Variants in HDAC11 observed in about 807,000 individuals in gnomAD.
The protein encoded by HDAC11 is histone deacetylase 11.
A neutral mutation model predicts 41.1 loss-of-function variants in HDAC11; 23 were observed. That is an observed-to-expected ratio of 0.56 (90% confidence interval 0.40 to 0.79). The LOEUF is 0.79. Among genes scored for constraint, HDAC11 ranks in the 30% least tolerant of loss-of-function variants. The probability of loss-of-function intolerance (pLI) is 0.00; values close to 1 mark genes in which losing one functional copy is unlikely to be tolerated. For missense variants in HDAC11, 402 were observed against 477.3 expected, an observed-to-expected ratio of 0.84 and a Z score of 1.47; for synonymous variants, 187 against 186.6, an observed-to-expected ratio of 1.00 and a Z score of -0.02.
intron 3 of HDAC11, among the ~76,000 whole-genome samples, chr3:13,489,726 C>T (rs1275956167): frequency 6.6e-6 from 1 of 152,102 alleles, no homozygotes; most frequent in Non-Finnish European, 1.5e-5. Context: ...GCTACCATGC[C>T]TGGCTAATTT....
chr3:13,500,199 GC>G (rs1702290406), intron 5 of HDAC11, among the ~76,000 whole-genome samples: 1 of 152,162 alleles, frequency 6.6e-6, no homozygotes, highest in South Asian at 2.1e-4. Context: ...CCCAGGGGCT[GC>G]AGGGGAGGGG....
chr3:13,494,560 A>G (rs545236830), intron 3 of HDAC11, among the ~76,000 whole-genome samples: 288 of 151,722 alleles, frequency 1.9e-3, no homozygotes, highest in Non-Finnish European at 3.3e-3. Flanking sequence ...CAGCTCTTAC[A>G]CTCCCACCCC....
chr3:13,494,918 G>A (rs969714287), intron 3 of HDAC11, among the ~76,000 whole-genome samples: 7 of 152,218 alleles, frequency 4.6e-5, no homozygotes, highest in Admixed American at 4.6e-4. Context: ...CCTGGCTACA[G>A]CACCTCTTGG....
rs1023912297 is a variant in HDAC11 at position 13,481,239 on chromosome 3, A to C, written c.3-7A>C. ...CAGCTGTGCGTCTGTCTTTTTCCAC[A>C]CGGTAGGCTACACACAACCCAGCTG... On this transcript the variant is annotated splice_polypyrimidine_tract_variant and splice_region_variant and intron_variant, in intron 1 of 9. Transcript: ENST00000295757. 2 of 1,611,012 alleles carry C rather than the reference A, an allele frequency of 1.2e-6. No individual in the cohort carries two copies. Among genetic ancestry groups the C allele is most frequent in the African/African-American group, 2.7e-5 (2 of 74,868 alleles).
At chr3:13,481,097 A>T in intron 1 of HDAC11, 149 bp from the exon 2 acceptor site, 3 of 789,690 alleles carry the variant, frequency 3.8e-6, no homozygotes, top group Non-Finnish European at 5.9e-6. Flanking sequence ...CAGCCAGTTT[A>T]AGCAGCTGTT....
At chr3:13,483,289 T>G (rs1167376981) in intron 2 of HDAC11, among the ~76,000 whole-genome samples, 175 bp from the exon 3 acceptor site, 1 of 152,094 alleles carries the variant, frequency 6.6e-6, no homozygotes. Flanking sequence ...GACTGGCCAC[T>G]GTCCACAGTG....
intron 3 of HDAC11, among the ~76,000 whole-genome samples, chr3:13,485,800 A>T (rs1701533740): frequency 6.6e-6 from 1 of 152,078 alleles, no homozygotes; most frequent in South Asian, 2.1e-4. Context: ...AAATAATAAA[A>T]GTATTAACAG....
rs1176241925 is a variant in HDAC11 at position 13,504,269 on chromosome 3, A to G, written c.825A>G (p.Pro275=). ...GDRLGGLSIS[P]AGIVKRDELV... Reference sequence around the variant, plus strand: ...GCCTTGGGGGGCTGTCCATCAGCCCAGCGGTACGTCCTGACCCTTGGGGCC... The same window carrying G: ...GCCTTGGGGGGCTGTCCATCAGCCCGGCGGTACGTCCTGACCCTTGGGGCC... The change falls in exon 9 of 10, where the codon CCA becomes CCG. Residue 275 remains proline, a synonymous_variant. Transcript: ENST00000295757. 2 of 1,613,072 alleles carry G rather than the reference A, an allele frequency of 1.2e-6. No individual in the cohort carries two copies. Among genetic ancestry groups the G allele is most frequent in the Admixed American group, 1.7e-5 (1 of 60,008 alleles).
At chr3:13,498,270 TC>T (rs1188015892) in intron 4 of HDAC11, among the ~76,000 whole-genome samples, 3 of 152,260 alleles carry the variant, frequency 2.0e-5, no homozygotes, top group African/African-American at 7.2e-5. Context: ...TTTTCCAGTT[TC>T]CTTGCACAAT....
At chr3:13,502,000 G>A in intron 7 of HDAC11, 67 bp downstream of exon 7, 3 of 1,361,572 alleles carry the variant, frequency 2.2e-6, no homozygotes, top group Non-Finnish European at 2.1e-6. Flanking sequence ...TCTTCCCGGG[G>A]CAGGAGAGTC....
intron 3 of HDAC11, among the ~76,000 whole-genome samples, chr3:13,490,736 A>ATTTTTTC (rs1701814211): frequency 1.3e-5 from 1 of 75,606 alleles, no homozygotes; most frequent in African/African-American, 4.8e-5. Context: ...GTTTCTTAGC[A>ATTTTTTC]TTTTTTTCTT....
At chr3:13,489,923 A>G (rs1701768685) in intron 3 of HDAC11, among the ~76,000 whole-genome samples, 2 of 151,836 alleles carry the variant, frequency 1.3e-5, no homozygotes, top group Admixed American at 6.6e-5. Context: ...TGGTACTGTT[A>G]CTGTGGCTTA....
chr3:13,486,384 G>A (rs1701575165), intron 3 of HDAC11, among the ~76,000 whole-genome samples: 1 of 151,648 alleles, frequency 6.6e-6, no homozygotes, highest in African/African-American at 2.4e-5. Context: ...TGCCACCATG[G>A]ATTTGCATTT....
chr3:13,504,557 G>A lies in HDAC11; in HGVS notation c.918G>A (p.Lys306=), dbSNP rs1466216496. ...ILMVTSGGYQ[K]RTARIIADSI... is the part of the protein sequence containing the mutation. ...TGGTGACCTCAGGCGGGTACCAGAA[G>A]CGCACAGCCCGCATCATTGCTGACT... The change falls in exon 10 of 10, where the codon AAG becomes AAA. Residue 306 remains lysine, a synonymous_variant. Transcript: ENST00000295757. 6.2e-7 allele frequency: 1 copy of A among 1,613,670 alleles called. No individual in the cohort carries two copies. Among genetic ancestry groups the A allele is most frequent in the Admixed American group, 1.7e-5 (1 of 60,028 alleles).
intron 3 of HDAC11, among the ~76,000 whole-genome samples, chr3:13,491,537 C>T (rs1701865935): frequency 6.6e-6 from 1 of 152,046 alleles, no homozygotes; most frequent in South Asian, 2.1e-4. Context: ...AGTGGGCGCC[C>T]TAGAGGGGTT....
At chr3:13,501,557 C>A in intron 6 of HDAC11, 2 of 599,936 alleles carry the variant, frequency 3.3e-6, no homozygotes, top group South Asian at 1.6e-5. Flanking sequence ...TTAACCCCTA[C>A]ACATTTCCTA....
At chr3:13,481,454 C>T (rs1364984905) in intron 2 of HDAC11, 60 bp downstream of exon 2, 1 of 1,582,464 alleles carries the variant, frequency 6.3e-7, no homozygotes, top group Non-Finnish European at 8.6e-7. Flanking sequence ...TCCTCTCCGT[C>T]CTCATCCCCA....
At chr3:13,500,891 C>A in intron 6 of HDAC11, 102 bp downstream of exon 6, 1 of 912,844 alleles carries the variant, frequency 1.1e-6, no homozygotes, top group Non-Finnish European at 1.6e-6. Context: ...AGACAAGGGG[C>A]CTATGCTGGA....
intron 3 of HDAC11, among the ~76,000 whole-genome samples, chr3:13,491,438 C>T (rs866791392): frequency 3.8e-4 from 58 of 152,118 alleles, no homozygotes; most frequent in African/African-American, 1.4e-3. Flanking sequence ...TTGTCAAAGG[C>T]TTTTTGTGCA....
Sources: allele counts gnomAD v4.1 joint callset (sites outside exome capture counted in the v4.1 genomes callset), GRCh38; gene constraint gnomAD v4.1.1; transcripts MANE v1.5; gene names NCBI Gene and HGNC (gene_info 2026-07-23, HGNC 2026-07-21).